Variants in TTC23L observed in about 807,000 individuals in gnomAD.
The protein encoded by TTC23L is tetratricopeptide repeat domain 23 like.
In TTC23L, 42 loss-of-function variants were observed where a neutral mutation model predicts 48.1. The ratio of observed to expected loss-of-function variants is 0.87; its 90% CI spans 0.68 to 1.13. The LOEUF (loss-of-function observed/expected upper bound fraction) is 1.13, where lower values mean the gene tolerates loss of function less well. TTC23L is among the 50% of genes most tolerant of loss of function. TTC23L has a pLI of 0.00. For missense variants in TTC23L, 391 were observed against 421.0 expected (o/e 0.93, Z 0.62); for synonymous variants, 159 against 157.2 (o/e 1.01, Z -0.09).
the TTC23L span, chr5:34,911,608 T>C: frequency 1.2e-6 from 2 of 1,614,156 alleles, no homozygotes; most frequent in Non-Finnish European, 1.7e-6. Context: ...ACTCGTCATA[T>C]CCAATTCAGA....
chr5:34,846,626 T>C, intron 3 of TTC23L, among the ~76,000 whole-genome samples: 1 of 136,506 alleles, frequency 7.3e-6, no homozygotes, highest in African/African-American at 2.8e-5. Flanking sequence ...TACACACACA[T>C]ATACATATAT....
downstream of TTC23L, chr5:34,902,350 A>G: frequency 9.7e-6 from 3 of 308,148 alleles, no homozygotes; most frequent in South Asian, 5.6e-5. Context: ...TGGGAGGTGG[A>G]GGTTGCAGTG....
At chr5:34,879,944 C>T (rs896539720) in intron 8 of TTC23L, among the ~76,000 whole-genome samples, 2 of 151,992 alleles carry the variant, frequency 1.3e-5, no homozygotes, top group South Asian at 2.1e-4. Flanking sequence ...TGCAGTGAGC[C>T]GAGGTTGCAC....
At chr5:34,857,235 C>G (rs1760202776) in intron 4 of TTC23L, among the ~76,000 whole-genome samples, 1 of 152,140 alleles carries the variant, frequency 6.6e-6, no homozygotes, top group Admixed American at 6.5e-5. Flanking sequence ...AGTTTGGTAA[C>G]TAGTGGTGAA....
chr5:34,914,138 C>T, the TTC23L span: 3 of 334,762 alleles, frequency 9.0e-6, no homozygotes, highest in Admixed American at 7.2e-5. Flanking sequence ...CTGAACCACA[C>T]AAATATTACT....
rs745957176 is a variant in TTC23L, at chr5:34,866,879, C to G, written c.663-13C>G. ...CTCTCTGTGACTTTCTATTTTCATC[C>G]CTTTTCTTGCAGAGCCTCCTTGGCC... is the stretch of plus-strand genomic sequence containing the variant. On this transcript the variant is annotated splice_polypyrimidine_tract_variant and intron_variant, in intron 6 of 10. Transcript: ENST00000505624. 1 of 1,568,850 alleles carries G rather than the reference C, an allele frequency of 6.4e-7. No individual in the cohort carries two copies. The highest frequency in any genetic ancestry group is 8.7e-7 in the Non-Finnish European group (1 of 1,152,194).
intron 9 of TTC23L, among the ~76,000 whole-genome samples, chr5:34,884,641 G>A (rs528529652): frequency 3.2e-4 from 48 of 150,930 alleles, no homozygotes; most frequent in African/African-American, 1.0e-3. Context: ...ATATGCTAAC[G>A]TTGAACAATT....
the TTC23L span, among the ~76,000 whole-genome samples, chr5:34,917,886 T>C: frequency 3.2e-4 from 48 of 151,804 alleles, no homozygotes; most frequent in African/African-American, 1.0e-3. Context: ...ATTGGAGAGA[T>C]TGAAGTTGAA....
At chr5:34,915,014 C>G in the TTC23L span, 3 of 1,067,936 alleles carry the variant, frequency 2.8e-6, no homozygotes, top group Non-Finnish European at 4.1e-6. Context: ...GTCCGGCGAG[C>G]TCCACCTGCG....
intron 9 of TTC23L, among the ~76,000 whole-genome samples, chr5:34,889,773 GTAT>G (rs1231701601): frequency 6.6e-6 from 1 of 152,042 alleles, no homozygotes; most frequent in Admixed American, 6.6e-5. Context: ...CCTTGGCACT[GTAT>G]TATACATTTA....
At chr5:34,914,330 A>G in the TTC23L span, 1 of 296,614 alleles carries the variant, frequency 3.4e-6, no homozygotes, top group Non-Finnish European at 6.6e-6. Flanking sequence ...CCTCGTTTCC[A>G]CATATATAAA....
At chr5:34,884,397 C>A (rs1762420811) in intron 9 of TTC23L, among the ~76,000 whole-genome samples, 1 of 152,026 alleles carries the variant, frequency 6.6e-6, no homozygotes, top group Admixed American at 6.5e-5. Context: ...CAACATAGTA[C>A]TGGAAGTACT....
the TTC23L span, chr5:34,909,337 C>T: frequency 1.4e-5 from 22 of 1,606,780 alleles, no homozygotes; most frequent in African/African-American, 5.3e-5. Flanking sequence ...GAACTTCCTG[C>T]ATTTCCAAAA....
intron 4 of TTC23L, chr5:34,861,067 A>C (rs1760590120): frequency 6.6e-6 from 1 of 152,302 alleles, no homozygotes; most frequent in African/African-American, 2.4e-5. Context: ...TCCCAGGTTC[A>C]AGTGATTCCC....
intron 9 of TTC23L, among the ~76,000 whole-genome samples, chr5:34,881,948 G>A (rs1054333543): frequency 2.0e-5 from 3 of 151,700 alleles, no homozygotes; most frequent in Non-Finnish European, 2.9e-5. Context: ...TAGAAACGGG[G>A]TTTAATCCTG....
chr5:34,916,154 T>A, the TTC23L span: 1 of 366,100 alleles, frequency 2.7e-6, no homozygotes, highest in Non-Finnish European at 4.9e-6. Context: ...GGTGCTCAGA[T>A]CCAGCGTTCT....
the TTC23L span, among the ~76,000 whole-genome samples, chr5:34,915,141 G>A: frequency 4.5e-3 from 690 of 152,270 alleles, 4 homozygotes; most frequent in Admixed American, 0.012. Context: ...CGGTTTCCTC[G>A]TCTCCGTAAG....
chr5:34,876,054 C>G (rs1031806063), intron 8 of TTC23L, among the ~76,000 whole-genome samples: 1 of 152,022 alleles, frequency 6.6e-6, no homozygotes, highest in Non-Finnish European at 1.5e-5. Flanking sequence ...GAAGAAATCT[C>G]AAGAGAAACT....
chr5:34,900,976 CTA>C (rs1432542881), downstream of TTC23L, among the ~76,000 whole-genome samples: 14 of 152,138 alleles, frequency 9.2e-5, no homozygotes, highest in Non-Finnish European at 1.8e-4. Flanking sequence ...TTTTATGTGG[CTA>C]TGATTTAACC....
Sources: gnomAD v4.1 joint callset for allele counts (sites outside exome capture counted in the v4.1 genomes callset) on GRCh38, gnomAD v4.1.1 for gene constraint, MANE v1.5 for transcripts, NCBI Gene and HGNC (gene_info 2026-07-23, HGNC 2026-07-21) for gene names.